The following HECTD2 variants were observed in gnomAD, a reference collection of about 807,000 sequenced individuals.
HECTD2 encodes HECT domain E3 ubiquitin protein ligase 2, also known as probable E3 ubiquitin-protein ligase HECTD2.
In HECTD2, 35 loss-of-function variants were observed where a neutral mutation model predicts 103.2. That is an observed-to-expected ratio of 0.34 (90% confidence interval 0.26 to 0.45). HECTD2 has a LOEUF of 0.45. Among genes scored for constraint, HECTD2 ranks in the 20% least tolerant of loss-of-function variants. The pLI is 1.00. For synonymous variants in HECTD2, 281 were observed against 329.9 expected (o/e 0.85, Z 1.61); for missense variants, 596 against 937.4 (o/e 0.64, Z 4.76).
chr10:91,450,346 C>G (rs1054666882), intron 2 of HECTD2, among the ~76,000 whole-genome samples: 1 of 152,136 alleles, frequency 6.6e-6, no homozygotes, highest in African/African-American at 2.4e-5. Flanking sequence ...AACTGGACCC[C>G]TTCCTTACAC....
At chr10:91,497,211 A>G (rs1158181480) in intron 15 of HECTD2, among the ~76,000 whole-genome samples, 1 of 142,458 alleles carries the variant, frequency 7.0e-6, no homozygotes, top group African/African-American at 2.6e-5. Context: ...CATGGCCTCA[A>G]GTGATCCGCC....
At chr10:91,485,330 C>A in intron 10 of HECTD2, 27 bp downstream of exon 10, 1 of 1,552,028 alleles carries the variant, frequency 6.4e-7, no homozygotes, top group Non-Finnish European at 8.7e-7. Flanking sequence ...CTTTGATTAT[C>A]CACCTAAATG....
intron 20 of HECTD2, among the ~76,000 whole-genome samples, chr10:91,509,296 A>G (rs914064057): frequency 1.1e-4 from 16 of 152,152 alleles, no homozygotes; most frequent in East Asian, 1.9e-4. Context: ...AATTTAAAAA[A>G]AAAATCAAAA....
At chr10:91,506,268 A>G (rs1012715038) in intron 20 of HECTD2, among the ~76,000 whole-genome samples, 3 of 152,166 alleles carry the variant, frequency 2.0e-5, no homozygotes, top group Non-Finnish European at 4.4e-5. Context: ...AGAAATAACT[A>G]AAATCAGAGC....
In HECTD2 at chr10:91,487,115, A is replaced by G. The variant is rs1385021540; in HGVS notation, c.1095-567A>G. On this transcript the variant is annotated intron_variant, in intron 10 of 20. Coordinates refer to ENST00000298068, the MANE Select transcript of HECTD2 (RefSeq NM_182765.6). This position sits in a 1 kb window ranked among gnomAD's most constrained non-coding sequence, Gnocchi z 4.1. ...TTTTCATAACCTTTTTATAATGTGT[A>G]ATTACAAATACATACCATTTCCTAT... 1 of 154,940 alleles carries G rather than the reference A, an allele frequency of 6.5e-6. No homozygotes were observed. Among genetic ancestry groups the G allele is most frequent in the Admixed American group, 6.3e-5 (1 of 15,836 alleles). 9.6% of individuals were successfully genotyped at this position (154,940 alleles called of 1,614,324 possible). A position where few individuals can be genotyped will look rare whatever the true frequency, so the allele number is the denominator to read the frequency against.
chr10:91,505,994 G>A (rs373290833), intron 20 of HECTD2, among the ~76,000 whole-genome samples: 29 of 151,510 alleles, frequency 1.9e-4, no homozygotes, highest in Admixed American at 7.9e-4. Context: ...CAACTACATG[G>A]AAACTGAACA....
At chr10:91,428,186 T>G (rs1350610378) in intron 2 of HECTD2, among the ~76,000 whole-genome samples, 1 of 151,708 alleles carries the variant, frequency 6.6e-6, no homozygotes, top group Non-Finnish European at 1.5e-5. Context: ...CAGATAGTTG[T>G]AGATATGTGG....
rs1380421604 is a variant in HECTD2, at chr10:91,410,570, G to C, written c.132G>C (p.Ala44=). 2.8e-6 allele frequency: 4 copies of C among 1,423,968 alleles called. No individual in the cohort carries two copies. The highest frequency in any genetic ancestry group is 2.5e-5 in the Admixed American group (1 of 40,446). 88.2% of individuals were successfully genotyped at this position (1,423,968 alleles called of 1,614,324 possible). The change falls in exon 1 of 21, where the codon GCG becomes GCC. Residue 44 remains alanine, a synonymous_variant. Transcript: ENST00000298068. ...LPPIVSAGAG[A]TAGLDRGAKG... ...CCATCGTATCGGCGGGCGCCGGCGC[G>C]ACCGCGGTAGGTGGTGGGCCGGGGC...
intron 2 of HECTD2, among the ~76,000 whole-genome samples, chr10:91,444,538 G>A (rs1019615810): frequency 1.3e-5 from 2 of 152,172 alleles, no homozygotes; most frequent in African/African-American, 4.8e-5. Context: ...CCTTTGCTCA[G>A]ATTAGTGAAT....
At chr10:91,418,199 C>G (rs1261605475) in intron 1 of HECTD2, among the ~76,000 whole-genome samples, 2 of 152,016 alleles carry the variant, frequency 1.3e-5, no homozygotes, top group Admixed American at 6.6e-5. Flanking sequence ...AAAAAAAGAA[C>G]AAGACTCTTA....
chr10:91,513,452 T>C lies in HECTD2; in HGVS notation c.*1068T>C, dbSNP rs993304797. ...TAGTATAAAAATAAAATTCAACGTT[T>C]TGGCCAAAATGTTTGTTTTTCACTG... On this transcript the variant is annotated 3_prime_UTR_variant, in exon 21 of 21. Transcript: ENST00000298068. 8 of 152,648 alleles carry C rather than the reference T, an allele frequency of 5.2e-5. No homozygotes were observed. Among genetic ancestry groups the C allele is most frequent in the Non-Finnish European group, 1.0e-4 (7 of 68,034 alleles). 9.5% of individuals were successfully genotyped at this position (152,648 alleles called of 1,614,324 possible).
At chr10:91,504,297 GAGA>G (rs1455239874) in intron 20 of HECTD2, among the ~76,000 whole-genome samples, 1 of 152,210 alleles carries the variant, frequency 6.6e-6, no homozygotes, top group Non-Finnish European at 1.5e-5. Context: ...GACAAGCTGA[GAGA>G]AGAAGGCTTC....
intron 5 of HECTD2, among the ~76,000 whole-genome samples, chr10:91,466,779 CTG>C (rs1443628436): frequency 4.6e-5 from 7 of 152,056 alleles, no homozygotes; most frequent in Non-Finnish European, 8.8e-5. Flanking sequence ...GATAAACAAA[CTG>C]TGGTACATTC....
chr10:91,448,877 A>G (rs1371623313), intron 2 of HECTD2, among the ~76,000 whole-genome samples: 1 of 68,512 alleles, frequency 1.5e-5, no homozygotes, highest in Non-Finnish European at 2.9e-5. Flanking sequence ...AAATGGAGGC[A>G]GTAATTAATA....
intron 2 of HECTD2, among the ~76,000 whole-genome samples, chr10:91,439,521 T>A (rs549189418): frequency 6.6e-6 from 1 of 152,062 alleles, no homozygotes; most frequent in South Asian, 2.1e-4. Context: ...TAGTGTGATG[T>A]CTCCAGCTTT....
chr10:91,471,465 G>A (rs1845724662), intron 5 of HECTD2, among the ~76,000 whole-genome samples: 1 of 152,172 alleles, frequency 6.6e-6, no homozygotes, highest in South Asian at 2.1e-4. Flanking sequence ...GGGAGTCTTA[G>A]CCAGAGCAGT....
intron 14 of HECTD2, among the ~76,000 whole-genome samples, chr10:91,493,832 AT>A (rs1046523788): frequency 6.6e-6 from 1 of 151,696 alleles, no homozygotes; most frequent in Non-Finnish European, 1.5e-5. Context: ...ATAATGAAGT[AT>A]TTTTTTTCTG....
intron 20 of HECTD2, among the ~76,000 whole-genome samples, chr10:91,508,578 C>G (rs1456368028): frequency 6.7e-6 from 1 of 150,000 alleles, no homozygotes; most frequent in African/African-American, 2.5e-5. Context: ...AATGAGATAC[C>G]ATCTCACACC....
chr10:91,461,549 G>GTTGTT (rs955107563), intron 4 of HECTD2, among the ~76,000 whole-genome samples, 193 bp downstream of exon 4: 1 of 151,702 alleles, frequency 6.6e-6, no homozygotes, highest in African/African-American at 2.4e-5. Flanking sequence ...TTTTGAGGGG[G>GTTGTT]TTGTTTTGTT....
Sources: allele counts gnomAD v4.1 joint callset (sites outside exome capture counted in the v4.1 genomes callset), GRCh38; gene constraint gnomAD v4.1.1; non-coding constraint Gnocchi (gnomAD v3.1); transcripts MANE v1.5; gene names NCBI Gene and HGNC (gene_info 2026-07-23, HGNC 2026-07-21).